Variants in CATSPERE observed in about 807,000 individuals in gnomAD.
The protein encoded by CATSPERE is cation channel sperm-associated auxiliary subunit epsilon.
A neutral mutation model predicts 114.1 loss-of-function variants in CATSPERE; 93 were observed. That is an observed-to-expected ratio of 0.81 (90% CI 0.69 to 0.97). CATSPERE has a LOEUF of 0.97. Ranked by LOEUF, CATSPERE falls within the 50% of genes least tolerant of loss-of-function variation. The pLI is 0.00. For synonymous variants in CATSPERE, 341 were observed against 384.1 expected, an observed-to-expected ratio of 0.89 and a Z score of 1.31; for missense variants, 1,058 against 1,131.6, an observed-to-expected ratio of 0.93 and a Z score of 0.93.
intron 5 of CATSPERE, among the ~76,000 whole-genome samples, chr1:244,482,859 CT>C (rs1247487009): frequency 2.6e-5 from 4 of 151,864 alleles, no homozygotes; most frequent in African/African-American, 9.7e-5. Flanking sequence ...TTGCTTTTTT[CT>C]TTTAGTTTAG....
At chr1:244,601,825 G>C (rs1669270758) in intron 17 of CATSPERE, among the ~76,000 whole-genome samples, 1 of 152,002 alleles carries the variant, frequency 6.6e-6, no homozygotes, top group African/African-American at 2.4e-5. Flanking sequence ...TGGGTGGTGG[G>C]CGCCTGTAAT....
At chr1:244,621,310 T>G (rs1672334573) in intron 20 of CATSPERE, among the ~76,000 whole-genome samples, 2 of 90,154 alleles carry the variant, frequency 2.2e-5, no homozygotes, top group African/African-American at 5.9e-5. Context: ...TATATAAATA[T>G]ATAAAATATA....
intron 2 of CATSPERE, among the ~76,000 whole-genome samples, chr1:244,467,190 A>G (rs968453141): frequency 2.0e-5 from 3 of 152,166 alleles, no homozygotes; most frequent in South Asian, 2.1e-4. Flanking sequence ...TGCTCCCTTT[A>G]TAAATAAATA....
intron 5 of CATSPERE, among the ~76,000 whole-genome samples, chr1:244,482,525 C>T (rs1486634330): frequency 6.6e-6 from 1 of 152,024 alleles, no homozygotes; most frequent in Non-Finnish European, 1.5e-5. Context: ...TCGCTTGAGC[C>T]CAGGAGTTTA....
chr1:244,623,693 AAGCG>A (rs1405313946), intron 20 of CATSPERE, among the ~76,000 whole-genome samples: 1 of 152,188 alleles, frequency 6.6e-6, no homozygotes, highest in Non-Finnish European at 1.5e-5. Flanking sequence ...CCCTGCCGTA[AAGCG>A]AGTCATGTGA....
At chr1:244,490,409 G>T in intron 5 of CATSPERE, 38 bp from the exon 6 acceptor site, 1 of 1,431,238 alleles carries the variant, frequency 7.0e-7, no homozygotes, top group South Asian at 1.2e-5. Flanking sequence ...TGTTTAACAG[G>T]CTGTTTACTA....
rs187044553 is a variant in CATSPERE, at chr1:244,486,467, C to G, written c.327-3980C>G. On this transcript the variant is annotated intron_variant, in intron 5 of 21. Coordinates refer to ENST00000366534, the MANE Select transcript of CATSPERE (RefSeq NM_001130957.2). The stretch of plus-strand genomic sequence containing the variant: ...GCCAGGTACAGACCCTTGTAGTCAC[C>G]TGGTGGGTGGTCCAGCATGTGGGGT... 7.4e-5 allele frequency among the ~76,000 whole-genome samples: 11 copies of G among 149,540 alleles called. No homozygotes were observed. In the East Asian group the frequency reaches 2.2e-3, roughly 30 times the overall value.
chr1:244,607,207 G>A lies in CATSPERE; in HGVS notation c.2403+1413G>A. 6.6e-6 allele frequency among the ~76,000 whole-genome samples: 1 copy of A among 152,124 alleles called. No homozygotes were observed. Among genetic ancestry groups the A allele is most frequent in the African/African-American group, 2.4e-5 (1 of 41,416 alleles). On this transcript the variant is annotated intron_variant, in intron 18 of 21. Transcript: ENST00000366534. The surrounding 1 kb of genome is among the most constrained non-coding windows in gnomAD (Gnocchi z 4.4). The stretch of plus-strand genomic sequence containing the variant: ...TTTCTCTCACCCCATATACTTAAGG[G>A]TGAGATTTGGGGTTGATGTTCTCCC...
intron 12 of CATSPERE, 132 bp downstream of exon 12, chr1:244,581,986 T>C (rs1666261413): frequency 6.7e-6 from 3 of 449,506 alleles, no homozygotes; most frequent in Non-Finnish European, 4.0e-6. Context: ...TTTCAATGTC[T>C]GGATAGATGT....
chr1:244,593,896 A>G (rs1274513452), intron 17 of CATSPERE, among the ~76,000 whole-genome samples: 1 of 152,200 alleles, frequency 6.6e-6, no homozygotes, highest in Non-Finnish European at 1.5e-5. Flanking sequence ...GGTAGGAACT[A>G]CCTTCCCCAG....
upstream of CATSPERE, among the ~76,000 whole-genome samples, chr1:244,460,778 G>A (rs185415503): frequency 1.0e-3 from 159 of 152,358 alleles, no homozygotes; most frequent in Non-Finnish European, 1.9e-3. Context: ...GCAGGGCCTT[G>A]TGGCGCACGC....
intron 17 of CATSPERE, among the ~76,000 whole-genome samples, chr1:244,600,121 C>T (rs781434358): frequency 5.7e-4 from 87 of 152,020 alleles, no homozygotes; most frequent in Non-Finnish European, 7.5e-4. Context: ...GACACGTCAT[C>T]CTGCATAAAA....
At chr1:244,451,786 G>A, upstream of CATSPERE, 3 of 1,597,218 alleles carry the variant, frequency 1.9e-6, no homozygotes, top group Non-Finnish European at 1.7e-6. The surrounding 1 kb of genome is among the most constrained non-coding windows in gnomAD (Gnocchi z 6.6). Flanking sequence ...GGGCAGGGAG[G>A]ATGCCGCCGG....
intron 7 of CATSPERE, among the ~76,000 whole-genome samples, chr1:244,512,477 C>A (rs1347123577): frequency 6.6e-6 from 1 of 151,856 alleles, no homozygotes; most frequent in Non-Finnish European, 1.5e-5. Flanking sequence ...TATTTGTGTT[C>A]TCTTGTATCT....
rs564884944 is a variant in CATSPERE at position 244,552,193 on chromosome 1, A to G, written c.537-129A>G. 71 of 1,151,474 alleles carry G rather than the reference A, an allele frequency of 6.2e-5. 1 individual carries two copies. In the South Asian group the frequency reaches 1.3e-3, roughly 21 times the overall value. 71.3% of individuals were successfully genotyped at this position (1,151,474 alleles called of 1,614,324 possible). A position where few individuals can be genotyped will look rare whatever the true frequency, so the allele number is the denominator to read the frequency against. On this transcript the variant is annotated intron_variant, in intron 8 of 21. Coordinates refer to ENST00000366534, the MANE Select transcript of CATSPERE (RefSeq NM_001130957.2). ...ACAATGTGGCAGTGGTTGCATTTTA[A>G]TATTATTTGTCTTATCCAGATTTGT...
At chr1:244,511,173 T>C (rs916655928) in intron 7 of CATSPERE, among the ~76,000 whole-genome samples, 2 of 152,228 alleles carry the variant, frequency 1.3e-5, no homozygotes, top group Non-Finnish European at 2.9e-5. Context: ...AATAATGCTA[T>C]ATCCTCTTGC....
At chr1:244,595,560 A>G (rs1456507037) in intron 17 of CATSPERE, among the ~76,000 whole-genome samples, 1 of 152,212 alleles carries the variant, frequency 6.6e-6, no homozygotes, top group Non-Finnish European at 1.5e-5. Flanking sequence ...TCAGGAGAAG[A>G]GGCCAGGAAG....
intron 4 of CATSPERE, among the ~76,000 whole-genome samples, chr1:244,478,589 T>A (rs1436033800): frequency 1.3e-5 from 2 of 152,208 alleles, no homozygotes; most frequent in Non-Finnish European, 2.9e-5. Flanking sequence ...GCTTGTGACT[T>A]CTCTTTAATT....
intron 8 of CATSPERE, among the ~76,000 whole-genome samples, chr1:244,524,711 T>G (rs1678224949): frequency 6.6e-6 from 1 of 150,584 alleles, no homozygotes. Context: ...AAGAAGACAT[T>G]TATGCAGCCA....
Sources: gnomAD v4.1 joint callset for allele counts (sites outside exome capture counted in the v4.1 genomes callset) on GRCh38, gnomAD v4.1.1 for gene constraint, Gnocchi (gnomAD v3.1) non-coding constraint, MANE v1.5 for transcripts, NCBI Gene and HGNC (gene_info 2026-07-23, HGNC 2026-07-21) for gene names.